The following SH3D19 variants were observed in gnomAD, a reference collection of about 807,000 sequenced individuals.
SH3D19 encodes the protein SH3 domain containing 19.
A neutral mutation model predicts 112.1 loss-of-function variants in SH3D19; 58 were observed. The observed-to-expected ratio is 0.52, with a 90% confidence interval of 0.42 to 0.64. The LOEUF is 0.64. Ranked by LOEUF, SH3D19 falls within the 30% of genes least tolerant of loss-of-function variation. The pLI, the probability that SH3D19 is intolerant of heterozygous loss-of-function variation, is 0.00. For synonymous variants in SH3D19, 391 were observed against 448.5 expected (o/e 0.87, Z 1.62); for missense variants, 1,090 against 1,263.4 (o/e 0.86, Z 2.08).
intron 1 of SH3D19, among the ~76,000 whole-genome samples, chr4:151,314,279 T>C (rs1471635031): frequency 2.0e-5 from 3 of 152,146 alleles, no homozygotes; most frequent in Non-Finnish European, 4.4e-5. Context: ...CTAGGCAAAA[T>C]AACAAAACCA....
chr4:151,120,738 T>A lies in SH3D19; in HGVS notation c.*1353A>T, dbSNP rs72965644. On this transcript the variant is annotated 3_prime_UTR_variant, in exon 20 of 20. Coordinates refer to ENST00000604030, the MANE Select transcript of SH3D19 (RefSeq NM_001378122.1). ...GTAGTCACGTAAAAGTGTGGCCACTTGTTGCTTAACTTTTTGGACAATGGG... is the reference window on the plus strand; with the variant it reads ...GTAGTCACGTAAAAGTGTGGCCACTAGTTGCTTAACTTTTTGGACAATGGG... 6.6e-6 allele frequency: 1 copy of A among 152,370 alleles called. No individual in the cohort carries two copies. Among genetic ancestry groups the A allele is most frequent in the African/African-American group, 2.4e-5 (1 of 41,392 alleles). 9.4% of individuals were successfully genotyped at this position (152,370 alleles called of 1,614,324 possible). A position where few individuals can be genotyped will look rare whatever the true frequency, so the allele number is the denominator to read the frequency against.
In SH3D19 at chr4:151,127,678, C is replaced by G. The variant is rs1283781489; in HGVS notation, c.2967G>C (p.Gly989=). ...AKSMLAIVPK[G]RKAKALYDFR... Reference sequence around the variant, plus strand: ...AATCATATAAGGCTTTGGCCTTCCTCCCCTTCGGTACTATGGCCAACATAC... The same window carrying G: ...AATCATATAAGGCTTTGGCCTTCCTGCCCTTCGGTACTATGGCCAACATAC... The change falls in exon 19 of 20, where the codon GGG becomes GGC. Residue 989 remains glycine (G), a synonymous_variant. Coordinates refer to ENST00000604030, the MANE Select transcript of SH3D19 (RefSeq NM_001378122.1). 2 of 1,605,928 alleles carry G rather than the reference C, an allele frequency of 1.2e-6. No homozygotes were observed. Among genetic ancestry groups the G allele is most frequent in the African/African-American group, 2.7e-5 (2 of 74,362 alleles).
At chr4:151,191,751 T>C (rs1024131646) in intron 2 of SH3D19, among the ~76,000 whole-genome samples, 10 of 151,864 alleles carry the variant, frequency 6.6e-5, no homozygotes, top group Admixed American at 1.3e-4. Flanking sequence ...GTTCATGCCA[T>C]TCTCCTGCCT....
At chr4:151,248,449 G>T (rs1305376716) in intron 1 of SH3D19, among the ~76,000 whole-genome samples, 1 of 152,160 alleles carries the variant, frequency 6.6e-6, no homozygotes, top group Admixed American at 6.5e-5. Context: ...TAATTAGGAA[G>T]CATTAGTGTT....
At chr4:151,137,680 C>G in intron 14 of SH3D19, 52 bp downstream of exon 14, 1 of 1,450,778 alleles carries the variant, frequency 6.9e-7, no homozygotes, top group South Asian at 1.5e-5. Flanking sequence ...CTACAAGTCA[C>G]ATAGAACCCA....
Position 151,128,159 on chromosome 4 carries a change from G to A in SH3D19, c.2929+11C>T, listed in dbSNP as rs769920238. 23 of 1,583,740 alleles carry A rather than the reference G, an allele frequency of 1.5e-5. No homozygotes were observed. The highest frequency in any genetic ancestry group is 1.6e-5 in the Non-Finnish European group (19 of 1,165,142). ...GTGAGGAGTCGCATTCATGTCTTGC[G>A]GTTGTCATACCTGGGCAGGGCCTCA... is the stretch of plus-strand genomic sequence containing the variant. On this transcript the variant is annotated intron_variant, in intron 18 of 19. Transcript: ENST00000604030.
chr4:151,128,388 G>A, intron 17 of SH3D19, 32 bp from the exon 18 acceptor site: 12 of 1,531,680 alleles, frequency 7.8e-6, no homozygotes, highest in Non-Finnish European at 9.7e-6. Flanking sequence ...GGTCAGAAGT[G>A]TAAGATTTTA....
chr4:151,282,580 ATATTTT>A (rs1170520115), intron 1 of SH3D19, among the ~76,000 whole-genome samples: 1 of 152,186 alleles, frequency 6.6e-6, no homozygotes, highest in East Asian at 1.9e-4. Flanking sequence ...TTTGACATTT[ATATTTT>A]TATGTTATTT....
intron 1 of SH3D19, chr4:151,300,449 G>C (rs1264361836): frequency 2.0e-5 from 3 of 151,910 alleles, no homozygotes; most frequent in Admixed American, 1.3e-4. Context: ...AGCCATGTAA[G>C]CTGAGTGTAA....
chr4:151,192,814 T>C (rs1237689958), intron 2 of SH3D19, among the ~76,000 whole-genome samples: 1 of 152,236 alleles, frequency 6.6e-6, no homozygotes, highest in African/African-American at 2.4e-5. Flanking sequence ...CAAGTAGCTA[T>C]GTATATTTAG....
chr4:151,319,176 G>A (rs1425503073), intron 1 of SH3D19, among the ~76,000 whole-genome samples: 1 of 152,190 alleles, frequency 6.6e-6, no homozygotes, highest in Non-Finnish European at 1.5e-5. Flanking sequence ...AGGCTCCCGA[G>A]TAGCTGGGAT....
chr4:151,139,857 A>C lies in SH3D19; in HGVS notation c.2224-10T>G. ...GAGCGTGGCTTGGATCCTTAGGGGG[A>C]GAAAAGGGCTGTGAATGAAGTGTGC... is the stretch of plus-strand genomic sequence containing the variant. On this transcript the variant is annotated splice_polypyrimidine_tract_variant and intron_variant, in intron 12 of 19. Coordinates refer to ENST00000604030, the MANE Select transcript of SH3D19 (RefSeq NM_001378122.1). The C allele has an allele frequency of 2.5e-6, 4 of 1,613,632 alleles. No individual in the cohort carries two copies. The highest frequency in any genetic ancestry group is 3.4e-6 in the Non-Finnish European group (4 of 1,179,670).
intron 1 of SH3D19, among the ~76,000 whole-genome samples, chr4:151,302,851 C>G (rs1053121809): frequency 6.7e-6 from 1 of 149,866 alleles, no homozygotes; most frequent in Non-Finnish European, 1.5e-5. Flanking sequence ...GGGAACATCA[C>G]ACACCGGGGC....
chr4:151,139,774 C>T lies in SH3D19; in HGVS notation c.2296+1G>A. ...TCCCACTGCATTATTTACATCCTTA[C>T]CTGCTGGGAAATCATGAAGAACGAC... On this transcript the variant is annotated splice_donor_variant, in intron 13 of 19. Coordinates refer to ENST00000604030, the MANE Select transcript of SH3D19 (RefSeq NM_001378122.1). LOFTEE classifies it high-confidence loss of function. The T allele has an allele frequency of 2.5e-6, 4 of 1,613,948 alleles. No homozygotes were observed. Among genetic ancestry groups the T allele is most frequent in the East Asian group, 4.5e-5 (2 of 44,872 alleles).
intron 1 of SH3D19, among the ~76,000 whole-genome samples, chr4:151,270,870 C>A (rs531701316): frequency 6.6e-6 from 1 of 152,262 alleles, no homozygotes; most frequent in African/African-American, 2.4e-5. Context: ...TAGACTGGAC[C>A]TTTTAGTACA....
At chr4:151,194,370 G>A (rs980016586) in intron 2 of SH3D19, among the ~76,000 whole-genome samples, 7 of 151,410 alleles carry the variant, frequency 4.6e-5, no homozygotes, top group African/African-American at 1.7e-4. Context: ...GTTGGTAAAA[G>A]GCATAAAAAG....
chr4:151,311,100 T>C (rs1001966528), intron 1 of SH3D19, among the ~76,000 whole-genome samples: 1 of 150,496 alleles, frequency 6.6e-6, no homozygotes, highest in Non-Finnish European at 1.5e-5. Context: ...CTCTTTGAGA[T>C]AGGGAGATAT....
At chr4:151,256,349 T>C (rs890724425) in intron 1 of SH3D19, among the ~76,000 whole-genome samples, 1 of 152,226 alleles carries the variant, frequency 6.6e-6, no homozygotes, top group Non-Finnish European at 1.5e-5. Flanking sequence ...TGAGAGAACA[T>C]GGGCCTTGCC....
intron 1 of SH3D19, among the ~76,000 whole-genome samples, chr4:151,285,919 G>A (rs1580409067): frequency 6.6e-6 from 1 of 151,772 alleles, no homozygotes; most frequent in East Asian, 1.9e-4. Flanking sequence ...AAAAGGCTGG[G>A]TGTGATGGCA....
Sources: gnomAD v4.1 joint callset for allele counts (sites outside exome capture counted in the v4.1 genomes callset) on GRCh38, gnomAD v4.1.1 for gene constraint, MANE v1.5 for transcripts, NCBI Gene and HGNC (gene_info 2026-07-23, HGNC 2026-07-21) for gene names.